The following UGT2A3 variants were observed in gnomAD, a reference collection of about 807,000 sequenced individuals.
UGT2A3 encodes UDP-glucuronosyltransferase 2A3.
In UGT2A3, 55 loss-of-function variants were observed where a neutral mutation model predicts 44.1. The ratio of observed to expected loss-of-function variants is 1.25; its 90% CI spans 1.00 to 1.56. UGT2A3 has a LOEUF of 1.56. Among genes scored for constraint, UGT2A3 ranks in the 40% most tolerant of loss-of-function variants. The pLI is 0.00. For synonymous variants in UGT2A3, 243 were observed against 215.1 expected (o/e 1.13, Z -1.13); for missense variants, 733 against 621.6 (o/e 1.18, Z -1.91).
intron 2 of UGT2A3, among the ~76,000 whole-genome samples, chr4:68,934,674 A>T (rs1717867478): frequency 6.6e-6 from 1 of 151,892 alleles, no homozygotes; most frequent in Admixed American, 6.6e-5. Context: ...AAGATTGAGA[A>T]TAGCTTAGTA....
intron 3 of UGT2A3, among the ~76,000 whole-genome samples, chr4:68,932,175 G>A (rs1560455381): frequency 6.6e-6 from 1 of 151,564 alleles, no homozygotes; most frequent in Non-Finnish European, 1.5e-5. Flanking sequence ...TAATTATTTA[G>A]AAAGACTACA....
In UGT2A3 at chr4:68,951,269, G is replaced by C; in HGVS notation, c.492C>G (p.Val164=). The part of the protein sequence containing the change: ...CGDLMAELLA[V]PFVLTLRISV... ...AAATTCTAAGTGTGAGCACAAAAGG[G>C]ACTGCAAGCAACTCAGCCATCAGGT... The change falls in exon 1 of 6, where the codon GTC becomes GTG. Residue 164 remains valine, a synonymous_variant. Coordinates refer to ENST00000251566, the MANE Select transcript of UGT2A3 (RefSeq NM_024743.4). The C allele has an allele frequency of 6.2e-7, 1 of 1,611,724 alleles. No individual in the cohort carries two copies. The highest frequency in any genetic ancestry group is 8.5e-7 in the Non-Finnish European group (1 of 1,178,966).
intron 1 of UGT2A3, among the ~76,000 whole-genome samples, chr4:68,948,634 A>G (rs773299962): frequency 5.3e-5 from 8 of 151,352 alleles, no homozygotes; most frequent in Non-Finnish European, 1.0e-4. Context: ...TTTTCTCTCC[A>G]GACAACTAAA....
rs1010445334 is a variant in UGT2A3 at position 68,951,336 on chromosome 4, T to C, written c.425A>G (p.Asn142Ser). ...QTLMKKLQETNYDVMLIDPVI... is the reference protein window; with the variant it reads ...QTLMKKLQETSYDVMLIDPVI... ...AGGGTCTATAAGCATTACATCGTAG[T>C]TGGTTTCCTGTAGCTTCTTCATAAG... The change falls in exon 1 of 6, where the codon AAC (asparagine) becomes AGC (serine). Residue 142 changes from asparagine (N) to serine (S), a missense_variant. By Grantham distance (46) the Asn-to-Ser change is conservative. Coordinates refer to ENST00000251566, the MANE Select transcript of UGT2A3 (RefSeq NM_024743.4). The C allele has an allele frequency of 1.9e-6, 3 of 1,612,684 alleles. No homozygotes were observed.
chr4:68,933,048 A>T (rs577087849), intron 2 of UGT2A3, among the ~76,000 whole-genome samples: 1 of 152,074 alleles, frequency 6.6e-6, no homozygotes, highest in African/African-American at 2.4e-5. Flanking sequence ...TCACGTAGAC[A>T]CAAAATCCTA....
At position 68,940,519 on chromosome 4, in the gene UGT2A3, C is replaced by T. The variant is rs151129329; in HGVS notation, c.864+4787G>A. Among the ~76,000 whole-genome samples, 654 of 151,636 alleles carry T rather than the reference C, an allele frequency of 4.3e-3. 5 individuals are homozygous for T. Among genetic ancestry groups the T allele is most frequent in the African/African-American group, 0.015 (622 of 41,404 alleles). On this transcript the variant is annotated intron_variant, in intron 2 of 5. Coordinates refer to ENST00000251566, the MANE Select transcript of UGT2A3 (RefSeq NM_024743.4). ...ACAATGAGAACACATGGACACAGGGCGGGGAACATCACACACCTGGCCTGT... is the reference window on the plus strand; with the variant it reads ...ACAATGAGAACACATGGACACAGGGTGGGGAACATCACACACCTGGCCTGT...
At chr4:68,947,455 C>T (rs1718420028) in intron 1 of UGT2A3, among the ~76,000 whole-genome samples, 1 of 151,764 alleles carries the variant, frequency 6.6e-6, no homozygotes, top group Admixed American at 6.6e-5. Flanking sequence ...ACCACCCCAT[C>T]CCCAGTTAAT....
chr4:68,940,948 T>C (rs1718164905), intron 2 of UGT2A3, among the ~76,000 whole-genome samples: 1 of 151,682 alleles, frequency 6.6e-6, no homozygotes, highest in Non-Finnish European at 1.5e-5. Flanking sequence ...CCACACTTCA[T>C]GTTAAAATTT....
Position 68,930,734 on chromosome 4 carries a change from A to T in UGT2A3, c.1116T>A (p.His372Gln). Residue 372 changes from histidine (H) to glutamine (Q), a missense_variant, in exon 5 of 6, where the codon CAT becomes CAA. Physicochemically the swap from His to Gln is conservative, Grantham distance 24. Transcript: ENST00000251566. ...GHPKTKAFIT[H>Q]GGMNGIYEAI... ...CTTCATAGATCCCATTCATTCCACC[A>T]TGAGTGATAAAAGCTTTGGTTTTGG... The T allele has an allele frequency of 3.1e-6, 5 of 1,605,920 alleles. No homozygotes were observed. Among genetic ancestry groups the T allele is most frequent in the South Asian group, 1.1e-5 (1 of 89,644 alleles).
At chr4:68,946,686 A>C (rs889351549) in intron 1 of UGT2A3, among the ~76,000 whole-genome samples, 5 of 151,680 alleles carry the variant, frequency 3.3e-5, no homozygotes, top group African/African-American at 1.2e-4. Flanking sequence ...AAGGAAAGAA[A>C]ATTAAATTTG....
intron 2 of UGT2A3, chr4:68,943,248 T>C: frequency 2.1e-6 from 2 of 970,414 alleles, no homozygotes; most frequent in Non-Finnish European, 1.4e-6. Flanking sequence ...ACTGGGAGTG[T>C]GGGAATAAAG....
At position 68,928,858 on chromosome 4, in the gene UGT2A3, A is replaced by G. The variant is rs73823964; in HGVS notation, c.*955T>C. 6.6e-5 allele frequency: 10 copies of G among 152,012 alleles called. No homozygotes were observed. Among genetic ancestry groups the G allele is most frequent in the Non-Finnish European group, 1.3e-4 (9 of 67,936 alleles). 9.4% of individuals were successfully genotyped at this position (152,012 alleles called of 1,614,324 possible). A position where few individuals can be genotyped will look rare whatever the true frequency, so the allele number is the denominator to read the frequency against. On this transcript the variant is annotated 3_prime_UTR_variant, in exon 6 of 6. Coordinates refer to ENST00000251566, the MANE Select transcript of UGT2A3 (RefSeq NM_024743.4). ...TTATTTGATGAATTTACAATTCTCA[A>G]AGATTGAGACTGAAAAGCAGTTCAC... is the stretch of plus-strand genomic sequence containing the variant.
At chr4:68,947,920 C>G (rs1049775539) in intron 1 of UGT2A3, among the ~76,000 whole-genome samples, 2 of 151,706 alleles carry the variant, frequency 1.3e-5, no homozygotes, top group African/African-American at 4.8e-5. Flanking sequence ...CTTTGTTGTT[C>G]CATTGATATA....
intron 1 of UGT2A3, among the ~76,000 whole-genome samples, chr4:68,948,556 T>C (rs1718468871): frequency 6.7e-6 from 1 of 149,956 alleles, no homozygotes; most frequent in Admixed American, 6.7e-5. Context: ...CAAGCCGTTC[T>C]CCCACCTGAG....
chr4:68,949,716 T>C (rs1381611489), intron 1 of UGT2A3, among the ~76,000 whole-genome samples: 5 of 151,956 alleles, frequency 3.3e-5, no homozygotes, highest in Non-Finnish European at 5.9e-5. Context: ...TAAGCACTTA[T>C]GGAAATAAAT....
chr4:68,944,558 T>A (rs796661923), intron 2 of UGT2A3, among the ~76,000 whole-genome samples: 1 of 151,862 alleles, frequency 6.6e-6, no homozygotes, highest in Non-Finnish European at 1.5e-5. Flanking sequence ...GAATATAGTA[T>A]ACAATTTTAT....
Position 68,951,593 on chromosome 4 carries a change from C to A in UGT2A3, c.168G>T (p.Leu56Phe), listed in dbSNP as rs771180018. 6.2e-7 allele frequency: 1 copy of A among 1,612,862 alleles called. No individual in the cohort carries two copies. Residue 56 changes from leucine (L) to phenylalanine (F), a missense_variant, in exon 1 of 6, where the codon TTG (leucine) becomes TTT (phenylalanine). Transcript: ENST00000251566. ...LIVRGHEVTV[L>F]THSKPSLIDY... ...CAATTAACGAAGGCTTTGAGTGAGT[C>A]AATACTGTTACCTCATGGCCTCTCA...
At chr4:68,940,241 A>T (rs916385695) in intron 2 of UGT2A3, among the ~76,000 whole-genome samples, 10 of 152,148 alleles carry the variant, frequency 6.6e-5, no homozygotes, top group Non-Finnish European at 1.3e-4. Flanking sequence ...ATAAAGACAC[A>T]TGCACACATA....
intron 2 of UGT2A3, among the ~76,000 whole-genome samples, chr4:68,934,314 G>A (rs1717854329): frequency 6.6e-6 from 1 of 151,806 alleles, no homozygotes. Flanking sequence ...AAAGTAGAAA[G>A]ATATCAAATA....
Sources: allele counts gnomAD v4.1 joint callset (sites outside exome capture counted in the v4.1 genomes callset), GRCh38; gene constraint gnomAD v4.1.1; transcripts MANE v1.5; gene names NCBI Gene and HGNC (gene_info 2026-07-23, HGNC 2026-07-21).